STS: variants seen among roughly 807,000 people sequenced by gnomAD.
The protein encoded by STS is steryl-sulfatase.
Under a neutral mutation model 26.8 loss-of-function variants are expected in STS, and 7 were observed. The ratio of observed to expected loss-of-function variants is 0.26; its 90% CI spans 0.15 to 0.49. The LOEUF (loss-of-function observed/expected upper bound fraction) is 0.49. Ranked by LOEUF, STS falls within the 20% of genes least tolerant of loss-of-function variation. The probability of loss-of-function intolerance (pLI) is 0.98; values close to 1 mark genes in which losing one functional copy is unlikely to be tolerated. For synonymous variants in STS, 199 were observed against 189.4 expected, an observed-to-expected ratio of 1.05 and a Z score of -0.42; for missense variants, 434 against 465.6, an observed-to-expected ratio of 0.93 and a Z score of 0.63.
intron 1 of STS, among the ~76,000 whole-genome samples, chrX:7,161,101 A>G (rs1365847490): frequency 1.9e-5 from 2 of 104,406 alleles, no homozygotes; most frequent in Admixed American, 1.1e-4. Flanking sequence ...GATTACAGGC[A>G]TGTGCCACTA....
intron 6 of STS, 66 bp from the exon 7 acceptor site, chrX:7,275,885 G>T (rs1376396738): frequency 1.6e-5 from 18 of 1,113,271 alleles, no homozygotes; most frequent in Non-Finnish European, 1.8e-5. Context: ...AATCAGAATG[G>T]TGGCAGACAT....
At chrX:7,149,331 G>A (rs1323197728) in intron 1 of STS, among the ~76,000 whole-genome samples, 1 of 112,238 alleles carries the variant, frequency 8.9e-6, no homozygotes, top group African/African-American at 3.2e-5. Context: ...GATTCAGCAA[G>A]AATTATTATC....
At chrX:7,164,068 C>T (rs1414305301) in intron 1 of STS, among the ~76,000 whole-genome samples, 1 of 111,652 alleles carries the variant, frequency 9.0e-6, no homozygotes, top group African/African-American at 3.3e-5. Flanking sequence ...AGGTGATCTG[C>T]TCACCTCTGC....
chrX:7,336,297 T>C (rs895421344), intron 10 of STS, among the ~76,000 whole-genome samples: 12 of 100,531 alleles, frequency 1.2e-4, no homozygotes, highest in African/African-American at 4.3e-4. Context: ...GCTAACTTCT[T>C]CTTAAACTTA....
chrX:7,195,713 G>T (rs773618872), intron 2 of STS, among the ~76,000 whole-genome samples: 39 of 112,275 alleles, frequency 3.5e-4, no homozygotes, highest in Non-Finnish European at 6.2e-4. Flanking sequence ...AACCCTCAGG[G>T]TTCCTCAGGC....
chrX:7,350,280 C>A lies in STS; in HGVS notation c.*19C>A, dbSNP rs765033002. On this transcript the variant is annotated 3_prime_UTR_variant, in exon 11 of 11. Coordinates refer to ENST00000674429, the MANE Select transcript of STS (RefSeq NM_001320752.2). ...CCGCTAGCAGCGCCTGGGGACCAGA[C>A]AGACGCATGTGGCAAAGCTCACCAT... 8.3e-7 allele frequency: 1 copy of A among 1,200,830 alleles called. No individual in the cohort carries two copies. The highest frequency in any genetic ancestry group is 2.2e-5 in the Admixed American group (1 of 45,022).
intron 2 of STS, chrX:7,252,359 C>G (rs748343918): frequency 4.7e-4 from 318 of 671,172 alleles, no homozygotes; most frequent in Non-Finnish European, 5.5e-4. Context: ...AGACCTCAGG[C>G]TACCACACTG....
At chrX:7,225,307 G>A (rs999465322) in intron 2 of STS, among the ~76,000 whole-genome samples, 17 of 111,790 alleles carry the variant, frequency 1.5e-4, no homozygotes, top group African/African-American at 5.2e-4. Flanking sequence ...CGATTCACCA[G>A]AAGGACTAAC....
At chrX:7,290,217 A>C (rs1925345525) in intron 7 of STS, among the ~76,000 whole-genome samples, 1 of 111,519 alleles carries the variant, frequency 9.0e-6, no homozygotes, top group Admixed American at 9.6e-5. Context: ...ATTTTCAAAA[A>C]CCAAAAGGCC....
At chrX:7,336,291 ACTT>A (rs1390462858) in intron 10 of STS, among the ~76,000 whole-genome samples, 23 of 96,373 alleles carry the variant, frequency 2.4e-4, no homozygotes, top group Non-Finnish European at 3.9e-4. Flanking sequence ...CTAGGTGCTA[ACTT>A]CTTCTTAAAC....
intron 2 of STS, among the ~76,000 whole-genome samples, chrX:7,245,222 G>C (rs750032364): frequency 1.8e-5 from 2 of 111,093 alleles, no homozygotes; most frequent in South Asian, 7.6e-4. Flanking sequence ...CATTATTAAT[G>C]GTGTTTTCAG....
chrX:7,317,005 G>A (rs1323850887), intron 8 of STS, among the ~76,000 whole-genome samples: 1 of 112,168 alleles, frequency 8.9e-6, no homozygotes, highest in Non-Finnish European at 1.9e-5. Context: ...TTGACCTGCT[G>A]TGTGGTAGCA....
intron 10 of STS, among the ~76,000 whole-genome samples, chrX:7,334,666 A>G (rs1219581908): frequency 1.8e-5 from 2 of 112,472 alleles, no homozygotes; most frequent in East Asian, 5.6e-4. Flanking sequence ...AGGAATGAAG[A>G]GCATTTAAAT....
chrX:7,265,729 G>C (rs1923973790), intron 6 of STS, among the ~76,000 whole-genome samples: 1 of 112,052 alleles, frequency 8.9e-6, no homozygotes, highest in African/African-American at 3.2e-5. Context: ...CTAGCATCTT[G>C]TACACTGTGT....
At chrX:7,256,872 G>A (rs368436136) in intron 3 of STS, among the ~76,000 whole-genome samples, 1 of 111,610 alleles carries the variant, frequency 9.0e-6, no homozygotes, top group African/African-American at 3.3e-5. Flanking sequence ...CTCTCATCTC[G>A]CCTCTCTTTC....
chrX:7,202,963 C>T (rs192354044), intron 2 of STS, among the ~76,000 whole-genome samples: 12 of 110,766 alleles, frequency 1.1e-4, no homozygotes, highest in Admixed American at 3.8e-4. Flanking sequence ...TCTCTATCCA[C>T]GTCCCTGTCT....
chrX:7,324,029 C>G (rs1927222736), intron 8 of STS, among the ~76,000 whole-genome samples: 1 of 111,703 alleles, frequency 9.0e-6, no homozygotes, highest in Admixed American at 9.6e-5. Flanking sequence ...TGACACAGCC[C>G]CGGGAGATCC....
chrX:7,327,264 C>T (rs781096863), intron 9 of STS, among the ~76,000 whole-genome samples: 1 of 111,020 alleles, frequency 9.0e-6, no homozygotes, highest in African/African-American at 3.3e-5. Context: ...CCTCGCAGAC[C>T]TCCTGAAAGG....
chrX:7,252,928 A>G (rs1300538975), intron 2 of STS, among the ~76,000 whole-genome samples: 1 of 111,675 alleles, frequency 9.0e-6, no homozygotes, highest in Non-Finnish European at 1.9e-5. Context: ...TGGCAGGAGG[A>G]TTGTTTGAGC....
Sources: gnomAD v4.1 joint callset for allele counts (sites outside exome capture counted in the v4.1 genomes callset) on GRCh38, gnomAD v4.1.1 for gene constraint, MANE v1.5 for transcripts, NCBI Gene and HGNC (gene_info 2026-07-23, HGNC 2026-07-21) for gene names.